Variants in PCDHGA7 observed in about 807,000 individuals in gnomAD.
PCDHGA7 encodes protocadherin gamma-A7.
Under a neutral mutation model 58.3 loss-of-function variants are expected in PCDHGA7, and 44 were observed. That is an observed-to-expected ratio of 0.75 (90% CI 0.59 to 0.97). The LOEUF is 0.97. PCDHGA7 is among the 50% of genes least tolerant of loss of function. The probability of loss-of-function intolerance (pLI) is 0.00; values close to 1 mark genes in which losing one functional copy is unlikely to be tolerated. For missense variants in PCDHGA7, 1,266 were observed against 1,188.7 expected, an observed-to-expected ratio of 1.06 and a Z score of -0.96; for synonymous variants, 516 against 504.2, an observed-to-expected ratio of 1.02 and a Z score of -0.31.
intron 1 of PCDHGA7, chr5:141,403,102 G>A (rs765706858): frequency 9.3e-6 from 15 of 1,613,928 alleles, no homozygotes; most frequent in Non-Finnish European, 1.3e-5. Flanking sequence ...ACATCTCCAA[G>A]GACCTGGCTC....
chr5:141,436,591 G>A (rs903125499), intron 1 of PCDHGA7, among the ~76,000 whole-genome samples: 8 of 152,154 alleles, frequency 5.3e-5, no homozygotes, highest in Non-Finnish European at 1.0e-4. Context: ...TTGAAAGGTC[G>A]TGGTGATGGC....
rs754953894 is a variant in PCDHGA7 at position 141,409,856 on chromosome 5, G to T, written c.2424+24533G>T. 4.0e-5 allele frequency: 64 copies of T among 1,612,232 alleles called. No individual in the cohort carries two copies. Among genetic ancestry groups the T allele is most frequent in the Non-Finnish European group, 5.3e-5 (62 of 1,179,390 alleles). On this transcript the variant is annotated intron_variant, in intron 1 of 3. Coordinates refer to ENST00000518325, the MANE Select transcript of PCDHGA7 (RefSeq NM_018920.4). ...CGCCAACGTGAGCCTGCGCGTGTTG[G>T]TGGGAGACCGCAATGACAACGCACC... is the stretch of plus-strand genomic sequence containing the variant.
intron 1 of PCDHGA7, among the ~76,000 whole-genome samples, chr5:141,472,352 T>G (rs1364883510): frequency 6.6e-6 from 1 of 151,718 alleles, no homozygotes; most frequent in Non-Finnish European, 1.5e-5. Context: ...CCATCCTGGC[T>G]AACACGGTGA....
chr5:141,483,303 T>A (rs1222660132), intron 1 of PCDHGA7, among the ~76,000 whole-genome samples: 1 of 152,146 alleles, frequency 6.6e-6, no homozygotes, highest in Non-Finnish European at 1.5e-5. Context: ...GTGAAGGGAC[T>A]GGGGACATTG....
chr5:141,467,769 G>A (rs573567102), intron 1 of PCDHGA7, among the ~76,000 whole-genome samples: 9 of 151,590 alleles, frequency 5.9e-5, no homozygotes, highest in East Asian at 3.9e-4. Flanking sequence ...TCAAGTGCCC[G>A]CACCTCAGCC....
In PCDHGA7 at chr5:141,486,828, G is replaced by T. The variant is rs140257646; in HGVS notation, c.2425-7979G>T. ...CCCCTTAGCAGCACTGTAACAGTTC[G>T]TCTATTTGTGCTGGACCTCAATGAC... On this transcript the variant is annotated intron_variant, in intron 1 of 3. Coordinates refer to ENST00000518325, the MANE Select transcript of PCDHGA7 (RefSeq NM_018920.4). This position sits in a 1 kb window ranked among gnomAD's most constrained non-coding sequence, Gnocchi z 5.0. The T allele has an allele frequency of 8.7e-6, 14 of 1,614,218 alleles. No homozygotes were observed. The highest frequency in any genetic ancestry group is 1.2e-5 in the Non-Finnish European group (14 of 1,180,042).
chr5:141,403,419 A>G, intron 1 of PCDHGA7: 1 of 1,614,050 alleles, frequency 6.2e-7, no homozygotes, highest in Non-Finnish European at 8.5e-7. Context: ...CCACTTCCAG[A>G]AGCTATTGAT....
In PCDHGA7 at chr5:141,431,463, C is replaced by T. The variant is rs139195027; in HGVS notation, c.2424+46140C>T. Reference sequence around the variant, plus strand: ...CGCATCCGCGTGATGGTTCTGGATGCGAACGACAACGCACCAGCGTTTGCT... The same window carrying T: ...CGCATCCGCGTGATGGTTCTGGATGTGAACGACAACGCACCAGCGTTTGCT... On this transcript the variant is annotated intron_variant, in intron 1 of 3. Transcript: ENST00000518325. The surrounding 1 kb of genome is among the most constrained non-coding windows in gnomAD (Gnocchi z 4.8). The T allele has an allele frequency of 3.5e-3, 5,640 of 1,613,740 alleles. 51 individuals are homozygous for T. Among genetic ancestry groups the T allele is most frequent in the South Asian group, 0.02 (1,825 of 91,088 alleles).
chr5:141,494,899 C>T, intron 2 of PCDHGA7, 34 bp downstream of exon 2: 1 of 1,614,116 alleles, frequency 6.2e-7, no homozygotes, highest in Non-Finnish European at 8.5e-7. Context: ...ACCCTCTTCT[C>T]TGCGGCATTT....
Position 141,400,219 on chromosome 5 carries a change from C to T in PCDHGA7, c.2424+14896C>T, listed in dbSNP as rs1200450595. On this transcript the variant is annotated intron_variant, in intron 1 of 3. Coordinates refer to ENST00000518325, the MANE Select transcript of PCDHGA7 (RefSeq NM_018920.4). ...GGTGGCCTTGGCCTTGATCTCAGTG[C>T]TCTTCCTCCTGGCCGTGATTCTGGC... The T allele has an allele frequency of 1.9e-6, 3 of 1,613,934 alleles. No homozygotes were observed. Among genetic ancestry groups the T allele is most frequent in the African/African-American group, 1.3e-5 (1 of 74,930 alleles).
At chr5:141,406,702 A>G (rs1430662433) in intron 1 of PCDHGA7, among the ~76,000 whole-genome samples, 1 of 152,242 alleles carries the variant, frequency 6.6e-6, no homozygotes. Context: ...TCTATAGTAT[A>G]TGCTTGCTCA....
intron 1 of PCDHGA7, among the ~76,000 whole-genome samples, chr5:141,481,728 C>T (rs529419213): frequency 2.1e-4 from 32 of 152,032 alleles, no homozygotes; most frequent in African/African-American, 7.2e-4. Flanking sequence ...CGGAGGCGGG[C>T]GGATCACGAG....
At chr5:141,426,010 C>T (rs2096909211) in intron 1 of PCDHGA7, among the ~76,000 whole-genome samples, 1 of 152,178 alleles carries the variant, frequency 6.6e-6, no homozygotes, top group Non-Finnish European at 1.5e-5. Flanking sequence ...CTTCCGGCTG[C>T]AGTTTTCTAA....
Position 141,384,547 on chromosome 5 carries a change from C to T in PCDHGA7, c.1648C>T (p.Leu550=), listed in dbSNP as rs1780195966. 15 of 1,614,252 alleles carry T rather than the reference C, an allele frequency of 9.3e-6. No homozygotes were observed. The highest frequency in any genetic ancestry group is 1.3e-5 in the Non-Finnish European group (15 of 1,180,042). Residue 550 remains leucine (L), a synonymous_variant, in exon 1 of 4, where the codon CTG becomes TTG. Transcript: ENST00000518325. ...TCTCAGCAGCAACATGTCACTGAGCCTGTTCGTGCTGGACCAGAATGACAA... is the reference window on the plus strand; with the variant it reads ...TCTCAGCAGCAACATGTCACTGAGCTTGTTCGTGCTGGACCAGAATGACAA... ...PPLSSNMSLS[L]FVLDQNDNPP...
In PCDHGA7 at chr5:141,477,844, G is replaced by A. The variant is rs748180474; in HGVS notation, c.2425-16963G>A. On this transcript the variant is annotated intron_variant, in intron 1 of 3. Coordinates refer to ENST00000518325, the MANE Select transcript of PCDHGA7 (RefSeq NM_018920.4). This position sits in a 1 kb window ranked among gnomAD's most constrained non-coding sequence, Gnocchi z 4.9. ...TATATCCTCGGCCAGGTGGGAGCTC[G>A]GTGGAGATGCTGCCTCGAGGTACCT... The A allele has an allele frequency of 6.2e-7, 1 of 1,613,394 alleles. No individual in the cohort carries two copies.
intron 1 of PCDHGA7, chr5:141,408,080 C>G: frequency 7.1e-7 from 1 of 1,412,844 alleles, no homozygotes; most frequent in Non-Finnish European, 9.3e-7. Flanking sequence ...TTTCCCAGCA[C>G]AGCGGATTGC....
rs1451071413 is a variant in PCDHGA7, at chr5:141,415,742, T to G, written c.2424+30419T>G. 19 of 216,608 alleles carry G rather than the reference T, an allele frequency of 8.8e-5. 1 individual carries two copies. In the Admixed American group the frequency reaches 4.5e-3, roughly 51 times the overall value. 13.4% of individuals were successfully genotyped at this position (216,608 alleles called of 1,614,324 possible). ...AGTAGAATTTGATGTTTATTAAGGT[T>G]TTTTTTTTTTTTTTTTTTTTTTTTT... On this transcript the variant is annotated intron_variant, in intron 1 of 3. Transcript: ENST00000518325.
intron 1 of PCDHGA7, chr5:141,404,187 G>A (rs370199750): frequency 3.1e-6 from 5 of 1,613,124 alleles, no homozygotes; most frequent in African/African-American, 1.3e-5. Context: ...ATTCTTGACC[G>A]AGAAAAAGCC....
intron 1 of PCDHGA7, chr5:141,423,809 GT>G (rs1484832928): frequency 7.9e-7 from 1 of 1,259,912 alleles, no homozygotes; most frequent in African/African-American, 1.6e-5. Context: ...ATACATGTGA[GT>G]TTTACTTTGC....
Sources: allele counts gnomAD v4.1 joint callset (sites outside exome capture counted in the v4.1 genomes callset), GRCh38; gene constraint gnomAD v4.1.1; non-coding constraint Gnocchi (gnomAD v3.1); transcripts MANE v1.5; gene names NCBI Gene and HGNC (gene_info 2026-07-23, HGNC 2026-07-21).